The following EIF4G3 variants were observed in gnomAD, a reference collection of about 807,000 sequenced individuals.
EIF4G3 encodes eukaryotic translation initiation factor 4 gamma 3, also known as eIF-4-gamma 3.
Under a neutral mutation model 186.4 loss-of-function variants are expected in EIF4G3, and 34 were observed. The ratio of observed to expected loss-of-function variants is 0.18; its 90% confidence interval spans 0.14 to 0.24. EIF4G3 has a LOEUF of 0.24. Ranked by LOEUF, EIF4G3 falls within the 10% of genes least tolerant of loss-of-function variation. The probability of loss-of-function intolerance (pLI) is 1.00; values close to 1 mark genes in which losing one functional copy is unlikely to be tolerated. For synonymous variants in EIF4G3, 673 were observed against 679.5 expected (o/e 0.99, Z 0.15); for missense variants, 1,536 against 1,948.5 (o/e 0.79, Z 3.99).
intron 20 of EIF4G3, among the ~76,000 whole-genome samples, 162 bp from the exon 21 acceptor site, chr1:20,865,424 T>C (rs1362825860): frequency 6.6e-6 from 1 of 152,204 alleles, no homozygotes; most frequent in Non-Finnish European, 1.5e-5. Context: ...TCAACAGTAA[T>C]ATGTCTTAAA....
intron 20 of EIF4G3, among the ~76,000 whole-genome samples, chr1:20,866,356 G>A (rs2077569715): frequency 6.6e-6 from 1 of 152,176 alleles, no homozygotes; most frequent in Non-Finnish European, 1.5e-5. Flanking sequence ...TCCCTACGAT[G>A]TATGAAAGAT....
At chr1:20,873,415 G>A (rs1010572092) in intron 20 of EIF4G3, among the ~76,000 whole-genome samples, 1 of 152,134 alleles carries the variant, frequency 6.6e-6, no homozygotes, top group African/African-American at 2.4e-5. Flanking sequence ...AAAAACTTCA[G>A]CTTTAGTATA....
chr1:20,810,375 C>T lies in EIF4G3; in HGVS notation c.4744+363G>A, dbSNP rs781066473. On this transcript the variant is annotated intron_variant, in intron 36 of 36. Transcript: ENST00000602326. This position sits in a 1 kb window ranked among gnomAD's most constrained non-coding sequence, Gnocchi z 4.1. ...TTCACTGTGTTAGCCAGGATGGTCT[C>T]GATCTCCTGACCTCATGATCCATCT... is the stretch of plus-strand genomic sequence containing the variant. 2.0e-5 allele frequency among the ~76,000 whole-genome samples: 3 copies of T among 152,034 alleles called. No homozygotes were observed. The highest frequency in any genetic ancestry group is 1.9e-4 in the East Asian group (1 of 5,176).
chr1:20,902,663 CAG>C (rs1409832158), intron 15 of EIF4G3, among the ~76,000 whole-genome samples: 3 of 152,142 alleles, frequency 2.0e-5, no homozygotes, highest in African/African-American at 2.4e-5. Flanking sequence ...TTTTTTGAGA[CAG>C]AGTCTCGTTC....
intron 4 of EIF4G3, chr1:21,003,676 T>C (rs2084218997): frequency 8.4e-6 from 3 of 357,656 alleles, no homozygotes; most frequent in South Asian, 4.9e-5. Flanking sequence ...TGCCATTTTT[T>C]TTCTAGATCT....
At chr1:20,989,056 AGGAGGGGAGG>A (rs1282326465) in intron 7 of EIF4G3, among the ~76,000 whole-genome samples, 20 of 2,316 alleles carry the variant, frequency 8.6e-3, no homozygotes, top group East Asian at 0.019. Flanking sequence ...AGGAGAGGAG[AGGAGGGGAGG>A]GGAGGGGAGG....
chr1:20,839,713 T>C (rs2067899152), intron 30 of EIF4G3, among the ~76,000 whole-genome samples: 1 of 151,668 alleles, frequency 6.6e-6, no homozygotes. Flanking sequence ...GGTTTCAGAC[T>C]CCTGATCTCA....
chr1:20,900,692 T>C lies in EIF4G3; in HGVS notation c.1753-749A>G, dbSNP rs1343876154. ...AGGCCTCATGAATCTTCAAAACTCC[T>C]TGAGGCAAAGTTCTCTGTGAACTCT... On this transcript the variant is annotated intron_variant, in intron 15 of 36. Coordinates refer to ENST00000602326, the MANE Select transcript of EIF4G3 (RefSeq NM_001391906.1). Among the ~76,000 whole-genome samples the C allele has an allele frequency of 2.6e-5, 4 of 152,112 alleles. No homozygotes were observed. In the East Asian group the frequency reaches 7.7e-4, roughly 29 times the overall value.
chr1:20,852,348 A>G (rs546476874), intron 27 of EIF4G3, among the ~76,000 whole-genome samples: 56 of 152,340 alleles, frequency 3.7e-4, no homozygotes, highest in African/African-American at 1.3e-3. Flanking sequence ...TCTTTCAGGA[A>G]TAAAGAAGAC....
chr1:20,989,702 C>T (rs181080009), intron 7 of EIF4G3, among the ~76,000 whole-genome samples: 27 of 151,798 alleles, frequency 1.8e-4, no homozygotes, highest in Non-Finnish European at 3.1e-4. Flanking sequence ...ATGGAATCTA[C>T]TCCCGGTAAG....
At chr1:20,814,870 T>C (rs1001028604) in intron 34 of EIF4G3, among the ~76,000 whole-genome samples, 2 of 116,012 alleles carry the variant, frequency 1.7e-5, no homozygotes, top group Non-Finnish European at 3.6e-5. Context: ...CTCGGCTCAC[T>C]GCAACCTCCC....
chr1:21,089,325 A>G, intron 2 of EIF4G3, 112 bp from the exon 3 acceptor site: 1 of 632,384 alleles, frequency 1.6e-6, no homozygotes, highest in Non-Finnish European at 2.9e-6. Context: ...CCAATTAGTG[A>G]GTTATATACT....
rs918421107 is a variant in EIF4G3 at position 20,904,898 on chromosome 1, T to C, written c.1737A>G (p.Leu579=). Residue 579 remains leucine, a synonymous_variant, in exon 15 of 37, where the codon TTA becomes TTG. Transcript: ENST00000602326. ...KDRTRTTEEM[L]EAELELKAEE... is the part of the protein sequence containing the mutation. Reference sequence around the variant, plus strand: ...ATTTGCTTACCTCCAATTCTGCCTCTAACATCTCTTCAGTGGTTCGGGTCC... The same window carrying C: ...ATTTGCTTACCTCCAATTCTGCCTCCAACATCTCTTCAGTGGTTCGGGTCC... The C allele has an allele frequency of 1.2e-6, 2 of 1,613,736 alleles. No homozygotes were observed. The highest frequency in any genetic ancestry group is 3.3e-5 in the Admixed American group (2 of 60,004).
intron 4 of EIF4G3, among the ~76,000 whole-genome samples, chr1:21,049,403 C>A (rs1291041584): frequency 6.6e-6 from 1 of 152,130 alleles, no homozygotes; most frequent in African/African-American, 2.4e-5. Flanking sequence ...GATTAATACA[C>A]CTTAATAGTA....
At chr1:21,175,161 T>C (rs369091370) in intron 2 of EIF4G3, 2 of 152,284 alleles carry the variant, frequency 1.3e-5, no homozygotes, top group East Asian at 3.9e-4. Flanking sequence ...ACAGTGGGTG[T>C]AGGGAGGAGG....
At chr1:20,881,649 C>T (rs1404961497) in intron 19 of EIF4G3, among the ~76,000 whole-genome samples, 3 of 151,244 alleles carry the variant, frequency 2.0e-5, no homozygotes, top group Non-Finnish European at 4.4e-5. Context: ...CAGCTGAGCA[C>T]GGTGGCACGC....
At chr1:20,867,368 C>T (rs756979113) in intron 20 of EIF4G3, among the ~76,000 whole-genome samples, 1 of 152,180 alleles carries the variant, frequency 6.6e-6, no homozygotes, top group South Asian at 2.1e-4. Context: ...AGCCCCTACA[C>T]CTGCAGAATG....
chr1:20,999,388 G>A (rs1237413498), intron 6 of EIF4G3: 1 of 370,944 alleles, frequency 2.7e-6, no homozygotes, highest in Admixed American at 3.4e-5. Context: ...TACCACCCAT[G>A]TGGTATGAAA....
chr1:21,103,279 A>G (rs1240302045), intron 2 of EIF4G3, among the ~76,000 whole-genome samples: 1 of 152,112 alleles, frequency 6.6e-6, no homozygotes, highest in African/African-American at 2.4e-5. Context: ...GACTATTACC[A>G]TCTACCCAGT....
Sources: allele counts gnomAD v4.1 joint callset (sites outside exome capture counted in the v4.1 genomes callset), GRCh38; gene constraint gnomAD v4.1.1; non-coding constraint Gnocchi (gnomAD v3.1); transcripts MANE v1.5; gene names NCBI Gene and HGNC (gene_info 2026-07-23, HGNC 2026-07-21).